The following UBE2E2 variants were observed in gnomAD, a reference collection of about 807,000 sequenced individuals.
The protein encoded by UBE2E2 is ubiquitin-conjugating enzyme E2 E2.
UBE2E2 carries 6 observed loss-of-function variants against 24.7 expected under a neutral mutation model. That is an observed-to-expected ratio of 0.24 (90% confidence interval 0.13 to 0.48). The LOEUF (loss-of-function observed/expected upper bound fraction) is 0.48. Among genes scored for constraint, UBE2E2 ranks in the 20% least tolerant of loss-of-function variants. UBE2E2 has a pLI of 0.99. For synonymous variants in UBE2E2, 104 were observed against 83.6 expected (o/e 1.24, Z -1.33); for missense variants, 169 against 245.0 (o/e 0.69, Z 2.07).
chr3:23,433,035 A>G (rs1181178791), intron 3 of UBE2E2, among the ~76,000 whole-genome samples: 1 of 151,970 alleles, frequency 6.6e-6, no homozygotes, highest in African/African-American at 2.4e-5. Context: ...GATGCCTTTA[A>G]TACTTTATTC....
At chr3:23,268,398 C>G (rs553323691) in intron 3 of UBE2E2, among the ~76,000 whole-genome samples, 3 of 152,186 alleles carry the variant, frequency 2.0e-5, no homozygotes, top group Admixed American at 6.5e-5. Context: ...CACAAGCATT[C>G]TTATACACCA....
chr3:23,208,237 A>G (rs62252659), intron 1 of UBE2E2, among the ~76,000 whole-genome samples: 130 of 152,292 alleles, frequency 8.5e-4, no homozygotes, highest in Non-Finnish European at 1.7e-3. Flanking sequence ...CCTGTTCAGG[A>G]CATTTCATAT....
chr3:23,462,751 C>T (rs1314952288), intron 3 of UBE2E2, among the ~76,000 whole-genome samples: 1 of 152,138 alleles, frequency 6.6e-6, no homozygotes. Flanking sequence ...ATCTCTTATT[C>T]TCCTGATGAT....
intron 3 of UBE2E2, among the ~76,000 whole-genome samples, chr3:23,455,077 C>G (rs780805324): frequency 1.3e-5 from 2 of 152,194 alleles, no homozygotes; most frequent in Non-Finnish European, 2.9e-5. Context: ...AGATTTTGCT[C>G]TCTTCTCTTT....
intron 3 of UBE2E2, among the ~76,000 whole-genome samples, chr3:23,231,971 C>T (rs1308972935): frequency 6.6e-6 from 1 of 152,226 alleles, no homozygotes; most frequent in Non-Finnish European, 1.5e-5. Context: ...TTACGTCAGC[C>T]TCCATGTGTT....
intron 3 of UBE2E2, among the ~76,000 whole-genome samples, chr3:23,310,226 G>A (rs1694336569): frequency 6.6e-6 from 1 of 151,050 alleles, no homozygotes; most frequent in East Asian, 1.9e-4. Flanking sequence ...GTCTAACACT[G>A]AATTAGAGTT....
At chr3:23,390,863 A>G (rs1033487903) in intron 3 of UBE2E2, among the ~76,000 whole-genome samples, 4 of 152,188 alleles carry the variant, frequency 2.6e-5, no homozygotes, top group Non-Finnish European at 5.9e-5. Context: ...AAGAAACATC[A>G]TTATATCTTT....
chr3:23,565,535 G>A (rs1331627065), intron 5 of UBE2E2, among the ~76,000 whole-genome samples: 3 of 142,640 alleles, frequency 2.1e-5, no homozygotes, highest in East Asian at 2.1e-4. Context: ...AGGTTACAGA[G>A]GCCAGTGCAA....
intron 5 of UBE2E2, among the ~76,000 whole-genome samples, chr3:23,571,806 C>T (rs1448490128): frequency 6.6e-6 from 1 of 152,158 alleles, no homozygotes; most frequent in South Asian, 2.1e-4. Context: ...GGTACCCTCC[C>T]GAAGTGGCTT....
chr3:23,571,280 C>CTCTTTTTTTTTTTTTTTTTTTTTTTTT (rs1696217145), intron 5 of UBE2E2, among the ~76,000 whole-genome samples: 4 of 29,866 alleles, frequency 1.3e-4, no homozygotes, highest in African/African-American at 4.1e-4. Context: ...GTGCTCCTTT[C>CTCTTTTTTTTTTTTTTTTTTTTTTTTT]TTTTTTTTTT....
In UBE2E2 at chr3:23,578,259, A is replaced by G. The variant is rs542547583; in HGVS notation, c.509-11475A>G. Among the ~76,000 whole-genome samples, 26 of 152,362 alleles carry G rather than the reference A, an allele frequency of 1.7e-4. No individual in the cohort carries two copies. The South Asian group carries it at 4.3e-3, about 25-fold the overall frequency. ...TCATCTCATGCCAGTCAGAATGTCT[A>G]TTATTAACAAGTCAAAAAACAACAA... On this transcript the variant is annotated intron_variant, in intron 5 of 5. Coordinates refer to ENST00000396703, the MANE Select transcript of UBE2E2 (RefSeq NM_152653.4).
intron 5 of UBE2E2, among the ~76,000 whole-genome samples, chr3:23,558,809 C>T: frequency 6.6e-6 from 1 of 152,236 alleles, no homozygotes; most frequent in Non-Finnish European, 1.5e-5. Context: ...GCCTGTATTC[C>T]CAGCTACTTG....
At chr3:23,330,846 A>C (rs1013830387) in intron 3 of UBE2E2, among the ~76,000 whole-genome samples, 1 of 152,198 alleles carries the variant, frequency 6.6e-6, no homozygotes, top group Non-Finnish European at 1.5e-5. Context: ...TCCTTAATAA[A>C]AGTATATAAG....
chr3:23,332,753 G>T (rs998688418), intron 3 of UBE2E2, among the ~76,000 whole-genome samples: 3 of 151,054 alleles, frequency 2.0e-5, no homozygotes, highest in Admixed American at 2.0e-4. Context: ...AATTTATCAG[G>T]TGATGTTTTT....
chr3:23,203,269 C>G, upstream of UBE2E2: 4 of 988,064 alleles, frequency 4.0e-6, no homozygotes, highest in South Asian at 4.5e-5. Flanking sequence ...GAGGGTGAGT[C>G]CGGGCGGGCG....
At chr3:23,544,141 GT>G (rs1695460639) in intron 5 of UBE2E2, among the ~76,000 whole-genome samples, 1 of 152,062 alleles carries the variant, frequency 6.6e-6, no homozygotes, top group Non-Finnish European at 1.5e-5. Flanking sequence ...TCTTTTGGGC[GT>G]TGGTCTAAGC....
At chr3:23,469,043 G>T (rs1698979602) in intron 3 of UBE2E2, among the ~76,000 whole-genome samples, 1 of 152,172 alleles carries the variant, frequency 6.6e-6, no homozygotes, top group South Asian at 2.1e-4. Context: ...AAAGTACCAT[G>T]GACTGAGTGG....
chr3:23,312,411 A>G (rs1252249511), intron 3 of UBE2E2, among the ~76,000 whole-genome samples: 1 of 152,038 alleles, frequency 6.6e-6, no homozygotes, highest in Admixed American at 6.6e-5. Context: ...ATACTCCTTC[A>G]GTTATTTTTA....
At chr3:23,534,529 A>G (rs1575691105) in intron 5 of UBE2E2, among the ~76,000 whole-genome samples, 1 of 152,364 alleles carries the variant, frequency 6.6e-6, no homozygotes, top group Non-Finnish European at 1.5e-5. Context: ...GAGAATTTGT[A>G]AAATACATGC....
Sources: allele counts gnomAD v4.1 joint callset (sites outside exome capture counted in the v4.1 genomes callset), GRCh38; gene constraint gnomAD v4.1.1; transcripts MANE v1.5; gene names NCBI Gene and HGNC (gene_info 2026-07-23, HGNC 2026-07-21).